The following SHC2 variants were observed in gnomAD, a reference collection of about 807,000 sequenced individuals.
SHC2 encodes SHC-transforming protein 2.
In SHC2, 62 loss-of-function variants were observed where a neutral mutation model predicts 60.6. The ratio of observed to expected loss-of-function variants is 1.02; its 90% CI spans 0.83 to 1.26. The LOEUF is 1.26. Among genes scored for constraint, SHC2 ranks in the 50% most tolerant of loss-of-function variants. The probability of loss-of-function intolerance (pLI) is 0.00; values close to 1 mark genes in which losing one functional copy is unlikely to be tolerated. For missense variants in SHC2, 873 were observed against 822.2 expected, an observed-to-expected ratio of 1.06 and a Z score of -0.76; for synonymous variants, 375 against 372.4, an observed-to-expected ratio of 1.01 and a Z score of -0.08.
intron 8 of SHC2, 25 bp from the exon 9 acceptor site, chr19:430,772 C>A: frequency 8.7e-6 from 14 of 1,609,780 alleles, no homozygotes; most frequent in Non-Finnish European, 1.0e-5. Flanking sequence ...GTGAGAGGTT[C>A]CCCGGTGTGT....
In SHC2 at chr19:440,848, G is replaced by A. The variant is rs760551127; in HGVS notation, c.539+14C>T. ...ACTCAGCCCTACGCGGCCAGGGCAG[G>A]GTTGGAGGCTCACCTGGTCACCTGC... is the stretch of plus-strand genomic sequence containing the variant. On this transcript the variant is annotated intron_variant, in intron 2 of 12. Coordinates refer to ENST00000264554, the MANE Select transcript of SHC2 (RefSeq NM_012435.3). The surrounding 1 kb of genome is among the most constrained non-coding windows in gnomAD (Gnocchi z 7.0). 2.5e-6 allele frequency: 4 copies of A among 1,611,028 alleles called. No individual in the cohort carries two copies. The Admixed American group carries it at 6.7e-5, about 27-fold the overall frequency.
At chr19:418,415 C>T (rs1001775417) in intron 12 of SHC2, among the ~76,000 whole-genome samples, 6 of 152,278 alleles carry the variant, frequency 3.9e-5, no homozygotes, top group Admixed American at 3.9e-4. Flanking sequence ...CCACACACAA[C>T]CTGCACACAA....
chr19:452,509 T>C (rs1476112103), intron 1 of SHC2, among the ~76,000 whole-genome samples: 1 of 136,832 alleles, frequency 7.3e-6, no homozygotes, highest in Non-Finnish European at 1.6e-5. Context: ...GGGGAGTTCC[T>C]GCGTAGGTGT....
chr19:455,014 CG>C (rs1222552278), intron 1 of SHC2, among the ~76,000 whole-genome samples: 2 of 152,232 alleles, frequency 1.3e-5, no homozygotes, highest in African/African-American at 4.8e-5. Context: ...CTCATAAAGA[CG>C]GCAGTCACCG....
rs542899061 is a variant in SHC2, at chr19:417,115, G to T, written c.*213C>A. 6.5e-6 allele frequency: 1 copy of T among 152,722 alleles called. No individual in the cohort carries two copies. The highest frequency in any genetic ancestry group is 2.4e-5 in the African/African-American group (1 of 41,468). The allele number at this position is 152,722 out of a possible 1,614,324, so 9.5% of individuals were successfully genotyped here. On this transcript the variant is annotated 3_prime_UTR_variant, in exon 13 of 13. Transcript: ENST00000264554. ...AACACCCTCACTCCAGGCAAAGGAGGGGGTGGGCAGGGGCCCCGGCAGGAG... is the reference window on the plus strand; with the variant it reads ...AACACCCTCACTCCAGGCAAAGGAGTGGGTGGGCAGGGGCCCCGGCAGGAG...
At position 446,793 on chromosome 19, in the gene SHC2, T is replaced by C. The variant is rs1368863792; in HGVS notation, c.469-5861A>G. On this transcript the variant is annotated intron_variant, in intron 1 of 12. Transcript: ENST00000264554. This position sits in a 1 kb window ranked among gnomAD's most constrained non-coding sequence, Gnocchi z 5.4. The stretch of plus-strand genomic sequence containing the variant: ...CCAGGACGTTAAGGGAAGGAGCCAC[T>C]GTACAAGTCAGTAAACCGAAGCCCA... Among the ~76,000 whole-genome samples, 1 of 152,120 alleles carries C rather than the reference T, an allele frequency of 6.6e-6. No homozygotes were observed. The highest frequency in any genetic ancestry group is 1.9e-4 in the East Asian group (1 of 5,180).
intron 9 of SHC2, among the ~76,000 whole-genome samples, chr19:429,429 A>T (rs1974507587): frequency 6.7e-6 from 1 of 148,470 alleles, no homozygotes; most frequent in African/African-American, 2.5e-5. Flanking sequence ...TACCGTGTGG[A>T]TGACACAGTA....
At chr19:429,204 A>G (rs1447583128) in intron 9 of SHC2, among the ~76,000 whole-genome samples, 1 of 149,640 alleles carries the variant, frequency 6.7e-6, no homozygotes, top group African/African-American at 2.5e-5. Flanking sequence ...ACCTATATCC[A>G]ACATGCAGAG....
chr19:426,468 A>G (rs28566718), intron 9 of SHC2, among the ~76,000 whole-genome samples: 902 of 57,120 alleles, frequency 0.016, 20 homozygotes, highest in Middle Eastern at 0.031. Flanking sequence ...ACACCGAGAG[A>G]GGCAGAGTCC....
chr19:447,825 T>C (rs907914531), intron 1 of SHC2, among the ~76,000 whole-genome samples: 5 of 152,188 alleles, frequency 3.3e-5, no homozygotes, highest in African/African-American at 1.2e-4. Flanking sequence ...AACTTCACAC[T>C]GCAACCATAA....
chr19:451,298 C>T (rs1160678665), intron 1 of SHC2, among the ~76,000 whole-genome samples: 9 of 150,982 alleles, frequency 6.0e-5, no homozygotes, highest in Non-Finnish European at 1.3e-4. Flanking sequence ...GATGGCCACG[C>T]TGTGGCCACA....
In SHC2 at chr19:438,905, C is replaced by A; in HGVS notation, c.600+65G>T. 2 of 1,552,660 alleles carry A rather than the reference C, an allele frequency of 1.3e-6. No homozygotes were observed. Among genetic ancestry groups the A allele is most frequent in the Admixed American group, 1.9e-5 (1 of 51,896 alleles). ...GGCTGTCGAGGGGCTCCCAGGATGGCCGCAGCGTCCCCACAGCCCCCGACT... is the reference window on the plus strand; with the variant it reads ...GGCTGTCGAGGGGCTCCCAGGATGGACGCAGCGTCCCCACAGCCCCCGACT... On this transcript the variant is annotated intron_variant, in intron 3 of 12. Transcript: ENST00000264554. The surrounding 1 kb of genome is among the most constrained non-coding windows in gnomAD (Gnocchi z 5.0).
intron 1 of SHC2, among the ~76,000 whole-genome samples, chr19:455,414 C>T (rs182625942): frequency 1.3e-3 from 198 of 152,370 alleles, no homozygotes; most frequent in Non-Finnish European, 2.1e-3. Context: ...CAGGGCTCCT[C>T]GGAACTCAGC....
chr19:436,166 T>G lies in SHC2; in HGVS notation c.952A>C (p.Arg318=). The change falls in exon 7 of 13, where the codon AGG becomes CGG. Residue 318 remains arginine, a splice_region_variant and synonymous_variant. Transcript: ENST00000264554. ...CACGGGGGAGGCAGCTCTGGTTACC[T>G]TTCTGGGGGCAGCGCCACCTTGGGC... ...SPPKVALPPE[R]LAGPEESAWG... is the part of the protein sequence containing the mutation. 6.2e-7 allele frequency: 1 copy of G among 1,611,290 alleles called. No individual in the cohort carries two copies. The highest frequency in any genetic ancestry group is 1.7e-4 in the Middle Eastern group (1 of 6,054).
In SHC2 at chr19:424,966, A is replaced by G; in HGVS notation, c.1309+131T>C. The G allele has an allele frequency of 9.7e-7, 1 of 1,027,676 alleles. No homozygotes were observed. Among genetic ancestry groups the G allele is most frequent in the Non-Finnish European group, 1.3e-6 (1 of 762,854 alleles). The allele number at this position is 1,027,676 out of a possible 1,614,324, so 63.7% of individuals were successfully genotyped here. ...CCCGTCCCACCCGTCGACTTGAAGG[A>G]TCTCACGGGGAGAAGGGAGCCTCCC... On this transcript the variant is annotated intron_variant, in intron 10 of 12. Coordinates refer to ENST00000264554, the MANE Select transcript of SHC2 (RefSeq NM_012435.3). This position sits in a 1 kb window ranked among gnomAD's most constrained non-coding sequence, Gnocchi z 4.5.
chr19:460,911 A>G lies in SHC2; in HGVS notation c.86T>C (p.Leu29Pro). The change falls in exon 1 of 13, where the codon CTG becomes CCG. Residue 29 changes from leucine to proline, a missense_variant. Coordinates refer to ENST00000264554, the MANE Select transcript of SHC2 (RefSeq NM_012435.3). Reference protein sequence around the residue: ...PEAPTTFCALLPRMPQWKFAA... With the variant: ...PEAPTTFCALPPRMPQWKFAA... ...GAACTTCCACTGCGGCATTCGGGGC[A>G]GCAACGCGCAGAAGGTGGTGGGCGC... The G allele has an allele frequency of 1.0e-6, 1 of 988,464 alleles. No individual in the cohort carries two copies. Among genetic ancestry groups the G allele is most frequent in the Non-Finnish European group, 1.2e-6 (1 of 833,598 alleles). 61.2% of individuals were successfully genotyped at this position (988,464 alleles called of 1,614,324 possible).
rs554063764 is a variant in SHC2 at position 418,976 on chromosome 19, G to A, written c.1701C>T (p.Ala567=). 135 of 1,584,956 alleles carry A rather than the reference G, an allele frequency of 8.5e-5. 1 individual carries two copies. In the Admixed American group the frequency reaches 1.5e-3, roughly 17 times the overall value. ...HHLQNGQPIV[A]AESELHLRGV... ...CACGCAGGTGCAGCTCACTCTCGGC[G>A]GCCACGATGGGCTGCCCGTTCTGCA... is the stretch of plus-strand genomic sequence containing the variant. Residue 567 remains alanine (A), a synonymous_variant, in exon 12 of 13, where the codon GCC becomes GCT. Coordinates refer to ENST00000264554, the MANE Select transcript of SHC2 (RefSeq NM_012435.3).
At chr19:427,392 G>T (rs981509843) in intron 9 of SHC2, among the ~76,000 whole-genome samples, 28 of 152,212 alleles carry the variant, frequency 1.8e-4, no homozygotes, top group African/African-American at 6.8e-4. Context: ...AGGGGCGCCT[G>T]CCGCGGAGCT....
At chr19:427,845 G>A (rs551360903) in intron 9 of SHC2, among the ~76,000 whole-genome samples, 17 of 136,154 alleles carry the variant, frequency 1.2e-4, no homozygotes, top group Non-Finnish European at 2.5e-4. Flanking sequence ...AACTGCACAC[G>A]GCACAGGGAA....
Sources: allele counts gnomAD v4.1 joint callset (sites outside exome capture counted in the v4.1 genomes callset), GRCh38; gene constraint gnomAD v4.1.1; non-coding constraint Gnocchi (gnomAD v3.1); transcripts MANE v1.5; gene names NCBI Gene and HGNC (gene_info 2026-07-23, HGNC 2026-07-21).